The following LOC128092252 variants were observed in gnomAD, a reference collection of about 807,000 sequenced individuals.
At chr15:50,679,538 A>T in the LOC128092252 span, among the ~76,000 whole-genome samples, 16,028 of 42,760 alleles carry the variant, frequency 0.37, 2,131 homozygotes, top group Non-Finnish European at 0.42. Context: ...ATATATATAT[A>T]TTTTTTTTTT....
At chr15:50,664,986 A>G in the LOC128092252 span, among the ~76,000 whole-genome samples, 1 of 152,188 alleles carries the variant, frequency 6.6e-6, no homozygotes, top group Admixed American at 6.6e-5. Flanking sequence ...AATAATCAGC[A>G]GAAATATTTA....
chr15:50,675,592 G>GTT, the LOC128092252 span, among the ~76,000 whole-genome samples: 1 of 152,092 alleles, frequency 6.6e-6, no homozygotes, highest in Non-Finnish European at 1.5e-5. Context: ...AGTTTTTATA[G>GTT]TTTTTGAAAT....
the LOC128092252 span, among the ~76,000 whole-genome samples, chr15:50,658,717 T>C: frequency 6.6e-6 from 1 of 152,236 alleles, no homozygotes; most frequent in African/African-American, 2.4e-5. Flanking sequence ...ACACACTAAT[T>C]CCAGTTCTAA....
the LOC128092252 span, chr15:50,648,899 G>T: frequency 5.7e-6 from 9 of 1,588,072 alleles, no homozygotes; most frequent in Non-Finnish European, 7.7e-6. Context: ...AAAGAAAAAG[G>T]TGAGATTAAA....
chr15:50,679,511 A>ATAT, the LOC128092252 span, among the ~76,000 whole-genome samples: 2 of 75,440 alleles, frequency 2.7e-5, no homozygotes, highest in South Asian at 7.9e-4. Context: ...GTATATATAT[A>ATAT]ATATATATAT....
chr15:50,671,104 A>G, the LOC128092252 span, among the ~76,000 whole-genome samples: 33 of 152,282 alleles, frequency 2.2e-4, no homozygotes, highest in East Asian at 6.4e-3. Flanking sequence ...TTTCAAAAAT[A>G]CATTGTTATT....
the LOC128092252 span, among the ~76,000 whole-genome samples, chr15:50,668,661 C>A: frequency 1.3e-5 from 2 of 152,154 alleles, no homozygotes; most frequent in African/African-American, 2.4e-5. Context: ...ATGCCCGCCA[C>A]CACACCAAGC....
At chr15:50,670,905 A>G in the LOC128092252 span, among the ~76,000 whole-genome samples, 1 of 151,962 alleles carries the variant, frequency 6.6e-6, no homozygotes, top group African/African-American at 2.4e-5. Flanking sequence ...CAGGTGCAGT[A>G]GCTCTTGCCT....
At chr15:50,685,415 C>CT in the LOC128092252 span, among the ~76,000 whole-genome samples, 1 of 152,210 alleles carries the variant, frequency 6.6e-6, no homozygotes, top group African/African-American at 2.4e-5. Flanking sequence ...GGAGATCGCG[C>CT]CACTTCACTC....
the LOC128092252 span, among the ~76,000 whole-genome samples, chr15:50,679,538 A>ATATATATTTTTTTTTTTTT: frequency 2.3e-5 from 1 of 43,904 alleles, no homozygotes; most frequent in African/African-American, 1.1e-4. Flanking sequence ...ATATATATAT[A>ATATATATTTTTTTTTTTTT]TTTTTTTTTT....
the LOC128092252 span, chr15:50,657,659 TA>T: frequency 2.2e-4 from 189 of 845,884 alleles, 1 homozygote; most frequent in African/African-American, 3.0e-3. Flanking sequence ...CAAGTCTAGG[TA>T]AAGTACCCAT....
chr15:50,668,285 A>G, the LOC128092252 span, among the ~76,000 whole-genome samples: 2 of 152,212 alleles, frequency 1.3e-5, no homozygotes, highest in East Asian at 3.8e-4. Context: ...AACTTCATGG[A>G]CTGAATTAAT....
the LOC128092252 span, among the ~76,000 whole-genome samples, chr15:50,674,297 A>G: frequency 5.3e-5 from 8 of 151,942 alleles, no homozygotes; most frequent in Non-Finnish European, 1.2e-4. Flanking sequence ...AAGCCCAGCT[A>G]ATTTTTGTAT....
the LOC128092252 span, among the ~76,000 whole-genome samples, chr15:50,652,961 G>T: frequency 6.6e-6 from 1 of 152,158 alleles, no homozygotes; most frequent in Non-Finnish European, 1.5e-5. Context: ...CAGGAGTCAA[G>T]ACCAGCCTGA....
chr15:50,668,050 G>A, the LOC128092252 span, among the ~76,000 whole-genome samples: 2 of 152,198 alleles, frequency 1.3e-5, no homozygotes, highest in South Asian at 4.1e-4. Context: ...TTTGTCAATC[G>A]TGTCTTTGAC....
the LOC128092252 span, among the ~76,000 whole-genome samples, chr15:50,680,077 T>C: frequency 5.5e-4 from 84 of 151,498 alleles, no homozygotes; most frequent in Non-Finnish European, 2.4e-4. Flanking sequence ...CTGCTAAAAA[T>C]ACAAATATTA....
the LOC128092252 span, among the ~76,000 whole-genome samples, chr15:50,665,139 C>T: frequency 6.6e-6 from 1 of 152,070 alleles, no homozygotes; most frequent in South Asian, 2.1e-4. Context: ...CCCAGTGGCT[C>T]GTACCTGCAA....
chr15:50,668,190 T>C, the LOC128092252 span, among the ~76,000 whole-genome samples: 1 of 152,210 alleles, frequency 6.6e-6, no homozygotes, highest in Non-Finnish European at 1.5e-5. Flanking sequence ...CTGATAACTT[T>C]GGAGACTCTA....
the LOC128092252 span, among the ~76,000 whole-genome samples, chr15:50,673,122 GTGT>G: frequency 6.6e-6 from 1 of 151,836 alleles, no homozygotes; most frequent in Non-Finnish European, 1.5e-5. Context: ...TAGGTGTACA[GTGT>G]TTATCAAGTC....
Sources: allele counts gnomAD v4.1 joint callset (sites outside exome capture counted in the v4.1 genomes callset), GRCh38; gene constraint gnomAD v4.1.1; transcripts MANE v1.5.